The following DTWD1 variants were observed in gnomAD, a reference collection of about 807,000 sequenced individuals.
The protein encoded by DTWD1 is tRNA-uridine aminocarboxypropyltransferase 1.
Under a neutral mutation model 30.2 loss-of-function variants are expected in DTWD1, and 27 were observed. That is an observed-to-expected ratio of 0.90 (90% CI 0.66 to 1.23). DTWD1 has a LOEUF of 1.23. Ranked by LOEUF, DTWD1 falls within the 50% of genes most tolerant of loss-of-function variation. The pLI is 0.00. For synonymous variants in DTWD1, 99 were observed against 113.1 expected (o/e 0.88, Z 0.79); for missense variants, 342 against 348.8 (o/e 0.98, Z 0.15).
intron 2 of DTWD1, among the ~76,000 whole-genome samples, chr15:49,628,608 C>T (rs1261465257): frequency 1.3e-5 from 2 of 152,100 alleles, no homozygotes; most frequent in African/African-American, 4.8e-5. Flanking sequence ...GCTTAGGTCT[C>T]CTTGTCAGTA....
chr15:49,625,819 G>T (rs1025728759), intron 2 of DTWD1, among the ~76,000 whole-genome samples: 1 of 152,146 alleles, frequency 6.6e-6, no homozygotes, highest in African/African-American at 2.4e-5. Context: ...GTTAGGAGTG[G>T]TCTGTCCACT....
intron 3 of DTWD1, among the ~76,000 whole-genome samples, chr15:49,633,053 A>ATCTATATATATATATATATATCTATATC (rs1449533544): frequency 3.5e-5 from 4 of 114,604 alleles, no homozygotes; most frequent in African/African-American, 1.1e-4. Context: ...CTATATCTAT[A>ATCTATATATATATATATATATCTATATC]TATATATATA....
At chr15:49,630,628 C>T (rs528732286) in intron 2 of DTWD1, among the ~76,000 whole-genome samples, 2 of 152,174 alleles carry the variant, frequency 1.3e-5, no homozygotes, top group South Asian at 4.1e-4. Context: ...TTACAAAATC[C>T]AAGAGAATAT....
rs1598656463 is a variant in DTWD1 at position 49,634,636 on chromosome 15, A to T, written c.509A>T (p.Asp170Val). Residue 170 changes from aspartate to valine, a missense_variant, in exon 4 of 5, where the codon GAC becomes GTC. Physicochemically the swap from Asp to Val is radical, Grantham distance 152 (BLOSUM62 -3). Coordinates refer to ENST00000403028, the MANE Select transcript of DTWD1 (RefSeq NM_001144955.2). ...IQNNVRGKND[D>V]PDKPSFKRKR... ...AATAATGTTAGAGGCAAAAATGATGACCCTGACAAGCCATCTTTTAAACGC... is the reference window on the plus strand; with the variant it reads ...AATAATGTTAGAGGCAAAAATGATGTCCCTGACAAGCCATCTTTTAAACGC... The T allele has an allele frequency of 6.2e-7, 1 of 1,613,946 alleles. No individual in the cohort carries two copies. The highest frequency in any genetic ancestry group is 8.5e-7 in the Non-Finnish European group (1 of 1,179,926).
At chr15:49,633,639 T>A (rs1329882791) in intron 3 of DTWD1, 1 of 272,580 alleles carries the variant, frequency 3.7e-6, no homozygotes, top group Non-Finnish European at 7.2e-6. Flanking sequence ...CCGGCCAAGA[T>A]TTTTTGTTTC....
chr15:49,633,618 A>T, intron 3 of DTWD1: 1 of 286,462 alleles, frequency 3.5e-6, no homozygotes. Context: ...TACAGGTATG[A>T]GCCACTGTGC....
rs542590151 is a variant in DTWD1, at chr15:49,649,762, AAGTC to A, written c.*6187_*6190del. ...CAAAAAAAATAAATAAAAAAATAAAAAGTCAGCAAAGGGAAGTTTCAGGGTTTCA... is the reference window on the plus strand; with the variant it reads ...CAAAAAAAATAAATAAAAAAATAAAAAGCAAAGGGAAGTTTCAGGGTTTCA... On this transcript the variant is annotated 3_prime_UTR_variant, in exon 5 of 5. Coordinates refer to ENST00000403028, the MANE Select transcript of DTWD1 (RefSeq NM_001144955.2). The A allele has an allele frequency of 1.9e-4, 29 of 152,088 alleles. No individual in the cohort carries two copies. The South Asian group carries it at 6.0e-3, about 32-fold the overall frequency. 9.4% of individuals were successfully genotyped at this position (152,088 alleles called of 1,614,324 possible).
Position 49,625,590 on chromosome 15 carries a change from T to G in DTWD1, c.264+159T>G. On this transcript the variant is annotated intron_variant, in intron 2 of 4. Coordinates refer to ENST00000403028, the MANE Select transcript of DTWD1 (RefSeq NM_001144955.2). ...AAAAACTAGCACTTAGACAGAAAAT[T>G]TCTCAGCAGGGCACATTTACTTCTG... The G allele has an allele frequency of 7.8e-6, 6 of 766,836 alleles. No individual in the cohort carries two copies. The South Asian group carries it at 1.2e-4, about 15-fold the overall frequency. The allele number at this position is 766,836 out of a possible 1,614,324, so 47.5% of individuals were successfully genotyped here.
chr15:49,631,988 G>T (rs1318344453), intron 2 of DTWD1, 171 bp from the exon 3 acceptor site: 2 of 684,400 alleles, frequency 2.9e-6, no homozygotes. Flanking sequence ...AAGAAATTTG[G>T]GTTGGTTTTG....
chr15:49,638,170 A>G (rs2079024966), intron 4 of DTWD1, among the ~76,000 whole-genome samples: 1 of 152,212 alleles, frequency 6.6e-6, no homozygotes, highest in African/African-American at 2.4e-5. Flanking sequence ...CTTATATGGT[A>G]ATTGAAAAGA....
At chr15:49,640,770 T>C (rs1470387435) in intron 4 of DTWD1, among the ~76,000 whole-genome samples, 2 of 152,120 alleles carry the variant, frequency 1.3e-5, no homozygotes, top group Non-Finnish European at 2.9e-5. Context: ...TTTATCTTAA[T>C]TGATTTGTAG....
chr15:49,631,096 A>G, intron 2 of DTWD1: 1 of 282,388 alleles, frequency 3.5e-6, no homozygotes, highest in South Asian at 3.5e-5. Context: ...ATTATAATGT[A>G]ATAATAATAG....
chr15:49,650,989 CTT>C lies in DTWD1; in HGVS notation c.*7414_*7415del, dbSNP rs1275254261. 5 of 152,190 alleles carry C rather than the reference CTT, an allele frequency of 3.3e-5. No homozygotes were observed. Among genetic ancestry groups the C allele is most frequent in the Admixed American group, 2.0e-4 (3 of 15,272 alleles). The allele number at this position is 152,190 out of a possible 1,614,324, so 9.4% of individuals were successfully genotyped here. A position where few individuals can be genotyped will look rare whatever the true frequency, so the allele number is the denominator to read the frequency against. On this transcript the variant is annotated 3_prime_UTR_variant, in exon 5 of 5. Transcript: ENST00000403028. ...AAAAGCCCATGGCTCAAGGTGGTAA[CTT>C]TTATTAGTGGTAAAATGAGAAGATT...
chr15:49,636,351 A>G (rs1418185107), intron 4 of DTWD1, among the ~76,000 whole-genome samples: 4 of 151,840 alleles, frequency 2.6e-5, no homozygotes, highest in African/African-American at 9.7e-5. Flanking sequence ...GTTCTCCTGT[A>G]TAATAAATAC....
Position 49,633,051 on chromosome 15 carries a change from A to ATC in DTWD1, c.408+750_408+751insCT, listed in dbSNP as rs1555588613. Among the ~76,000 whole-genome samples, 254 of 140,526 alleles carry ATC rather than the reference A, an allele frequency of 1.8e-3. 3 individuals are homozygous for ATC. Among genetic ancestry groups the ATC allele is most frequent in the African/African-American group, 6.3e-3 (243 of 38,542 alleles). 92.2% of individuals were successfully genotyped at this position (140,526 alleles called of 152,430 possible). ...TACTTTCCTATTTATATCTATATCT[A>ATC]TATATATATATATATATATGTATTT... On this transcript the variant is annotated intron_variant, in intron 3 of 4. Coordinates refer to ENST00000403028, the MANE Select transcript of DTWD1 (RefSeq NM_001144955.2).
In DTWD1 at chr15:49,649,018, G is replaced by A. The variant is rs896122601; in HGVS notation, c.*5440G>A. 2.6e-5 allele frequency: 4 copies of A among 152,058 alleles called. No homozygotes were observed. The highest frequency in any genetic ancestry group is 9.7e-5 in the African/African-American group (4 of 41,412). 9.4% of individuals were successfully genotyped at this position (152,058 alleles called of 1,614,324 possible). ...TAATAGGAGTAACAGAATGGGAAAGGCGTGGAAAAAAATTTGTGATTTCTA... is the reference window on the plus strand; with the variant it reads ...TAATAGGAGTAACAGAATGGGAAAGACGTGGAAAAAAATTTGTGATTTCTA... On this transcript the variant is annotated 3_prime_UTR_variant, in exon 5 of 5. Transcript: ENST00000403028.
In DTWD1 at chr15:49,647,539, G is replaced by A. The variant is rs1158423412; in HGVS notation, c.*3961G>A. On this transcript the variant is annotated 3_prime_UTR_variant, in exon 5 of 5. Transcript: ENST00000403028. ...CGAAACATCACCAAATACCATGAAT[G>A]CATTAGGTATATTTTTTGTCTTCCA... The A allele has an allele frequency of 6.6e-6, 1 of 152,096 alleles. No homozygotes were observed. The highest frequency in any genetic ancestry group is 1.5e-5 in the Non-Finnish European group (1 of 68,002). The allele number at this position is 152,096 out of a possible 1,614,324, so 9.4% of individuals were successfully genotyped here. A position where few individuals can be genotyped will look rare whatever the true frequency, so the allele number is the denominator to read the frequency against.
intron 2 of DTWD1, chr15:49,629,956 G>T (rs982099024): frequency 1.3e-5 from 2 of 152,070 alleles, no homozygotes; most frequent in South Asian, 4.1e-4. Flanking sequence ...TAATTGTCCA[G>T]GAAGAAAAAA....
intron 4 of DTWD1, among the ~76,000 whole-genome samples, chr15:49,641,261 T>A (rs925071863): frequency 6.6e-6 from 1 of 151,974 alleles, no homozygotes; most frequent in African/African-American, 2.4e-5. Flanking sequence ...TTTATAATTT[T>A]TGTTTCTTTT....
Sources: allele counts gnomAD v4.1 joint callset (sites outside exome capture counted in the v4.1 genomes callset), GRCh38; gene constraint gnomAD v4.1.1; transcripts MANE v1.5; gene names NCBI Gene and HGNC (gene_info 2026-07-23, HGNC 2026-07-21).